Variants in DTD1 observed in about 807,000 individuals in gnomAD.
DTD1 encodes the protein D-tyrosyl-tRNA deacylase 1 homolog.
A neutral mutation model predicts 25.6 loss-of-function variants in DTD1; 13 were observed. The ratio of observed to expected loss-of-function variants is 0.51; its 90% CI spans 0.33 to 0.81. The LOEUF (loss-of-function observed/expected upper bound fraction) is 0.81, where lower values mean the gene tolerates loss of function less well. Among genes scored for constraint, DTD1 ranks in the 30% least tolerant of loss-of-function variants. DTD1 has a pLI of 0.02. For synonymous variants in DTD1, 110 were observed against 103.6 expected, an observed-to-expected ratio of 1.06 and a Z score of -0.37; for missense variants, 193 against 266.4, an observed-to-expected ratio of 0.72 and a Z score of 1.92.
At chr20:18,686,678 T>TGTGTGTG (rs1568668936) in intron 4 of DTD1, among the ~76,000 whole-genome samples, 9 of 133,304 alleles carry the variant, frequency 6.8e-5, no homozygotes, top group African/African-American at 2.4e-4. Context: ...GTGTGTGTGG[T>TGTGTGTG]GTGTGTGTGC....
At chr20:18,624,812 A>G (rs1293989231) in intron 3 of DTD1, among the ~76,000 whole-genome samples, 1 of 152,142 alleles carries the variant, frequency 6.6e-6, no homozygotes, top group African/African-American at 2.4e-5. Context: ...GGCTACCTTA[A>G]TTGCCTTGAA....
At chr20:18,710,606 A>G (rs541922655) in intron 4 of DTD1, among the ~76,000 whole-genome samples, 1 of 152,394 alleles carries the variant, frequency 6.6e-6, no homozygotes, top group East Asian at 1.9e-4. Context: ...GTAAAAGTGA[A>G]CACCTTAATT....
Position 18,749,927 on chromosome 20 carries a change from T to C in DTD1, c.*19+5656T>C, listed in dbSNP as rs769778500. 6.6e-6 allele frequency among the ~76,000 whole-genome samples: 1 copy of C among 152,258 alleles called. No homozygotes were observed. The highest frequency in any genetic ancestry group is 2.1e-4 in the South Asian group (1 of 4,836). ...TTGTTTATACCGATGTATATGGTAC[T>C]GTCTGGGTTTTGGACAAAGCGCACA... On this transcript the variant is annotated intron_variant, in intron 5 of 5. Transcript: ENST00000377452. This position sits in a 1 kb window ranked among gnomAD's most constrained non-coding sequence, Gnocchi z 4.2.
intron 4 of DTD1, among the ~76,000 whole-genome samples, chr20:18,704,593 A>G (rs561684505): frequency 6.6e-6 from 1 of 152,254 alleles, no homozygotes; most frequent in Admixed American, 6.5e-5. Flanking sequence ...CTCTAGAGCC[A>G]TGGTTCGCAC....
chr20:18,592,584 A>G (rs2060593878), intron 1 of DTD1: 1 of 151,586 alleles, frequency 6.6e-6, no homozygotes, highest in African/African-American at 2.4e-5. Flanking sequence ...TAGTCACTGC[A>G]CTCCAGCTTG....
chr20:18,619,266 A>G (rs1034577385), intron 3 of DTD1, among the ~76,000 whole-genome samples: 8 of 152,166 alleles, frequency 5.3e-5, no homozygotes, highest in African/African-American at 1.9e-4. Context: ...TGCTTAAGGG[A>G]CTGTTTGCTG....
At chr20:18,727,143 G>A (rs1341014067) in intron 4 of DTD1, among the ~76,000 whole-genome samples, 1 of 152,224 alleles carries the variant, frequency 6.6e-6, no homozygotes, top group Non-Finnish European at 1.5e-5. Context: ...TGGAGGCCTG[G>A]GCAGGGCCCA....
chr20:18,632,200 A>G (rs553254239), intron 4 of DTD1: 2 of 985,462 alleles, frequency 2.0e-6, no homozygotes, highest in African/African-American at 1.7e-5. Flanking sequence ...GCATTTTTTA[A>G]ACTTCTAACG....
At chr20:18,640,274 T>C (rs1339002299) in intron 4 of DTD1, among the ~76,000 whole-genome samples, 1 of 152,158 alleles carries the variant, frequency 6.6e-6, no homozygotes, top group African/African-American at 2.4e-5. Context: ...TTTTCCTATC[T>C]TTTTTCTCAT....
chr20:18,701,146 C>G (rs1032516675), intron 4 of DTD1, among the ~76,000 whole-genome samples: 7 of 152,186 alleles, frequency 4.6e-5, no homozygotes, highest in African/African-American at 1.7e-4. Context: ...CCCACACATT[C>G]AGGCCAGAGA....
At chr20:18,590,356 A>G (rs1390025416) in intron 1 of DTD1, among the ~76,000 whole-genome samples, 3 of 152,172 alleles carry the variant, frequency 2.0e-5, no homozygotes, top group African/African-American at 7.2e-5. Flanking sequence ...CTTAGGAGTC[A>G]CACATTTTAC....
chr20:18,641,219 G>A (rs563042315), intron 4 of DTD1, among the ~76,000 whole-genome samples: 19 of 152,202 alleles, frequency 1.2e-4, no homozygotes, highest in African/African-American at 4.1e-4. Context: ...CTTGTATACC[G>A]TATTTTGTCT....
intron 5 of DTD1, among the ~76,000 whole-genome samples, chr20:18,759,814 A>T (rs2061354220): frequency 6.6e-6 from 1 of 152,150 alleles, no homozygotes; most frequent in African/African-American, 2.4e-5. Context: ...CTCCTGGATA[A>T]TATCCTGCAG....
intron 3 of DTD1, among the ~76,000 whole-genome samples, chr20:18,613,496 T>C (rs1023683375): frequency 2.6e-5 from 4 of 152,212 alleles, no homozygotes; most frequent in Non-Finnish European, 5.9e-5. Flanking sequence ...AAGATACTTT[T>C]AGGGGCTTCT....
chr20:18,727,446 G>A (rs2061226330), intron 4 of DTD1, among the ~76,000 whole-genome samples: 3 of 134,030 alleles, frequency 2.2e-5, no homozygotes, highest in South Asian at 4.9e-4. Context: ...TTTGAAGCTG[G>A]GTCTGGGTGG....
chr20:18,759,110 T>A (rs147602249), intron 5 of DTD1, among the ~76,000 whole-genome samples: 1 of 152,224 alleles, frequency 6.6e-6, no homozygotes, highest in African/African-American at 2.4e-5. Context: ...TCCATCCTTT[T>A]ATTTTGAGCA....
chr20:18,594,942 G>T (rs932225105), intron 2 of DTD1, among the ~76,000 whole-genome samples: 1 of 152,184 alleles, frequency 6.6e-6, no homozygotes, highest in African/African-American at 2.4e-5. Flanking sequence ...CCCTGAGGGT[G>T]CCCATATTAA....
chr20:18,722,774 G>A (rs1390704681), intron 4 of DTD1, among the ~76,000 whole-genome samples: 1 of 152,208 alleles, frequency 6.6e-6, no homozygotes, highest in African/African-American at 2.4e-5. Flanking sequence ...TGTCTTCGGT[G>A]TAGAAGTGCC....
chr20:18,694,141 G>T (rs1321821335), intron 4 of DTD1, among the ~76,000 whole-genome samples: 1 of 152,164 alleles, frequency 6.6e-6, no homozygotes, highest in Non-Finnish European at 1.5e-5. Flanking sequence ...CCACAGGGAT[G>T]CTGTGAGGAG....
Sources: allele counts gnomAD v4.1 joint callset (sites outside exome capture counted in the v4.1 genomes callset), GRCh38; gene constraint gnomAD v4.1.1; non-coding constraint Gnocchi (gnomAD v3.1); transcripts MANE v1.5; gene names NCBI Gene and HGNC (gene_info 2026-07-23, HGNC 2026-07-21).